CNTN1: variants seen among roughly 807,000 people sequenced by gnomAD.
CNTN1 encodes the protein contactin 1.
A neutral mutation model predicts 126.4 loss-of-function variants in CNTN1; 38 were observed. The observed-to-expected ratio is 0.30, with a 90% CI of 0.23 to 0.39. CNTN1 has a LOEUF of 0.39. Among genes scored for constraint, CNTN1 ranks in the 10% least tolerant of loss-of-function variants. CNTN1 has a pLI of 1.00. For synonymous variants in CNTN1, 413 were observed against 422.6 expected (o/e 0.98, Z 0.28); for missense variants, 1,009 against 1,248.4 (o/e 0.81, Z 2.89).
intron 1 of CNTN1, among the ~76,000 whole-genome samples, chr12:40,904,461 C>T (rs1000439785): frequency 6.7e-6 from 1 of 148,914 alleles, no homozygotes; most frequent in Non-Finnish European, 1.5e-5. Context: ...CAGAGTTTCA[C>T]TCTGTCACCC....
At chr12:40,728,596 T>A (rs192925873) in intron 1 of CNTN1, among the ~76,000 whole-genome samples, 1 of 152,256 alleles carries the variant, frequency 6.6e-6, no homozygotes, top group East Asian at 1.9e-4. Context: ...AGAAGTGGGA[T>A]TTGGAATGGC....
chr12:40,769,426 T>G (rs1939248991), intron 1 of CNTN1, among the ~76,000 whole-genome samples: 1 of 152,184 alleles, frequency 6.6e-6, no homozygotes, highest in Admixed American at 6.5e-5. Flanking sequence ...AAGTGCATCT[T>G]GTGTTTGCCC....
chr12:40,875,632 AC>A (rs1046556820), intron 1 of CNTN1, among the ~76,000 whole-genome samples: 3 of 151,786 alleles, frequency 2.0e-5, no homozygotes, highest in African/African-American at 7.3e-5. Context: ...TTTGGGATTG[AC>A]CTTTTTTAAT....
intron 1 of CNTN1, among the ~76,000 whole-genome samples, chr12:40,806,006 G>T (rs1440600904): frequency 1.3e-5 from 2 of 151,946 alleles, no homozygotes; most frequent in Non-Finnish European, 2.9e-5. Flanking sequence ...CCAGCTCTCC[G>T]CTGACTCTAT....
chr12:41,007,045 GTTTTTTTTTTTTTTT>G (rs71078294), intron 17 of CNTN1, among the ~76,000 whole-genome samples: 2 of 69,198 alleles, frequency 2.9e-5, no homozygotes, highest in Non-Finnish European at 5.0e-5. Context: ...GTTTTGTGTG[GTTTTTTTTTTTTTTT>G]TTTTTTTTTT....
chr12:40,813,049 T>TTCTTTCTTTCTTTCTTTCTTTCTA (rs1941133130), intron 1 of CNTN1, among the ~76,000 whole-genome samples: 1 of 131,814 alleles, frequency 7.6e-6, no homozygotes, highest in Non-Finnish European at 1.6e-5. Flanking sequence ...CTTTCTTTCT[T>TTCTTTCTTTCTTTCTTTCTTTCTA]TCTTTCTTTC....
At chr12:40,725,429 GA>G (rs60290681) in intron 1 of CNTN1, among the ~76,000 whole-genome samples, 7 of 128,386 alleles carry the variant, frequency 5.5e-5, no homozygotes, top group South Asian at 2.4e-4. Flanking sequence ...AAAAAGGAAA[GA>G]AAAAAAAAGA....
At chr12:40,781,444 T>A (rs1939799394) in intron 1 of CNTN1, among the ~76,000 whole-genome samples, 1 of 152,026 alleles carries the variant, frequency 6.6e-6, no homozygotes, top group Non-Finnish European at 1.5e-5. Flanking sequence ...TGAGTATGTG[T>A]CAGAGATTCC....
At chr12:40,927,961 T>C (rs1945752605) in intron 6 of CNTN1, among the ~76,000 whole-genome samples, 1 of 152,074 alleles carries the variant, frequency 6.6e-6, no homozygotes, top group Non-Finnish European at 1.5e-5. Context: ...TTAGAGAAAC[T>C]GAGTAATAGA....
chr12:40,757,272 A>G (rs1035119491), intron 1 of CNTN1, among the ~76,000 whole-genome samples: 1 of 91,086 alleles, frequency 1.1e-5, no homozygotes, highest in African/African-American at 4.2e-5. Context: ...TGAGGGTTTC[A>G]ATATTTGAGT....
At chr12:40,702,136 C>G (rs1373319783) in intron 1 of CNTN1, among the ~76,000 whole-genome samples, 1 of 148,516 alleles carries the variant, frequency 6.7e-6, no homozygotes. Flanking sequence ...GGGTCTTGCT[C>G]TGTTGCCCAG....
intron 22 of CNTN1, 81 bp downstream of exon 22, chr12:41,028,050 G>A (rs1056023566): frequency 9.6e-7 from 1 of 1,042,346 alleles, no homozygotes; most frequent in African/African-American, 1.6e-5. Flanking sequence ...TTCTTTTTTT[G>A]AGATGGAATT....
At position 40,943,979 on chromosome 12, in the gene CNTN1, A is replaced by G. The variant is rs1237102269; in HGVS notation, c.1508-16A>G. ...TATATCTTCTTGAATTGTGCTTTAC[A>G]TTTAAAAATATATAGATCCTACGCG... On this transcript the variant is annotated splice_polypyrimidine_tract_variant and intron_variant, in intron 13 of 23. Coordinates refer to ENST00000551295, the MANE Select transcript of CNTN1 (RefSeq NM_001843.4). 6 of 1,611,010 alleles carry G rather than the reference A, an allele frequency of 3.7e-6. No homozygotes were observed. Among genetic ancestry groups the G allele is most frequent in the Middle Eastern group, 3.3e-4 (2 of 6,058 alleles).
chr12:40,700,256 G>A (rs1433855092), intron 1 of CNTN1, among the ~76,000 whole-genome samples: 1 of 151,944 alleles, frequency 6.6e-6, no homozygotes, highest in Non-Finnish European at 1.5e-5. Context: ...AGCCAGGCAT[G>A]GTGGCTCACG....
At chr12:40,757,836 A>T (rs908227821) in intron 1 of CNTN1, among the ~76,000 whole-genome samples, 1 of 152,148 alleles carries the variant, frequency 6.6e-6, no homozygotes, top group African/African-American at 2.4e-5. Context: ...AAATATCTTT[A>T]TATTTTTGTG....
chr12:41,063,398 G>A (rs1949982964), intron 23 of CNTN1, among the ~76,000 whole-genome samples: 1 of 152,244 alleles, frequency 6.6e-6, no homozygotes, highest in Non-Finnish European at 1.5e-5. Flanking sequence ...TAATTCCTGT[G>A]TGATGGTCCT....
At chr12:40,962,558 T>C (rs1947141518) in intron 15 of CNTN1, among the ~76,000 whole-genome samples, 1 of 152,078 alleles carries the variant, frequency 6.6e-6, no homozygotes, top group African/African-American at 2.4e-5. Flanking sequence ...TTTTGTGTCA[T>C]GTATGGTAGG....
At chr12:40,822,941 A>G (rs992512517) in intron 1 of CNTN1, among the ~76,000 whole-genome samples, 2 of 152,136 alleles carry the variant, frequency 1.3e-5, no homozygotes, top group Admixed American at 6.5e-5. Context: ...TGTTGTTACC[A>G]TCTTTATGTC....
At position 40,776,987 on chromosome 12, in the gene CNTN1, C is replaced by A. The variant is rs931765361; in HGVS notation, c.-77+84395C>A. 1.1e-4 allele frequency among the ~76,000 whole-genome samples: 16 copies of A among 151,670 alleles called. No homozygotes were observed. The Middle Eastern group carries it at 0.01, about 97-fold the overall frequency. ...AGTCTTAAATTCTTCCCACTTATGTCCCCTGATTCTCTTGGCATTAACTGT... is the reference window on the plus strand; with the variant it reads ...AGTCTTAAATTCTTCCCACTTATGTACCCTGATTCTCTTGGCATTAACTGT... On this transcript the variant is annotated intron_variant, in intron 1 of 23. Coordinates refer to ENST00000551295, the MANE Select transcript of CNTN1 (RefSeq NM_001843.4).
Sources: allele counts gnomAD v4.1 joint callset (sites outside exome capture counted in the v4.1 genomes callset), GRCh38; gene constraint gnomAD v4.1.1; transcripts MANE v1.5; gene names NCBI Gene and HGNC (gene_info 2026-07-23, HGNC 2026-07-21).